SKP1: variants seen among roughly 807,000 people sequenced by gnomAD.
SKP1 encodes S-phase kinase associated protein 1, also known as S-phase kinase-associated protein 1.
Under a neutral mutation model 21.5 loss-of-function variants are expected in SKP1, and 1 was observed. The observed-to-expected ratio is 0.05, with a 90% CI of 0.02 to 0.22. The LOEUF (loss-of-function observed/expected upper bound fraction) is 0.22. Ranked by LOEUF, SKP1 falls within the 10% of genes least tolerant of loss-of-function variation. The pLI, the probability that SKP1 is intolerant of heterozygous loss-of-function variation, is 1.00. For synonymous variants in SKP1, 59 were observed against 59.3 expected, an observed-to-expected ratio of 0.99 and a Z score of 0.03; for missense variants, 70 against 192.0, an observed-to-expected ratio of 0.36 and a Z score of 3.76.
chr5:134,169,351 G>C (rs1294478193), intron 2 of SKP1, among the ~76,000 whole-genome samples: 3 of 152,202 alleles, frequency 2.0e-5, no homozygotes, highest in Non-Finnish European at 4.4e-5. Context: ...AGCTTAGAGT[G>C]AAACTGTAAA....
rs777325285 is a variant in SKP1, at chr5:134,151,621, T to G, written c.*6112A>C. The stretch of plus-strand genomic sequence containing the variant: ...AGGTTGAAAATTTGAAGTTAAGAGA[T>G]ATCAGAAGGTCTGAATATACTTAAA... On this transcript the variant is annotated 3_prime_UTR_variant, in exon 6 of 6. Transcript: ENST00000353411. 2 of 454,576 alleles carry G rather than the reference T, an allele frequency of 4.4e-6. No homozygotes were observed. Among genetic ancestry groups the G allele is most frequent in the South Asian group, 1.6e-5 (1 of 64,404 alleles). The allele number at this position is 454,576 out of a possible 1,614,324, so 28.2% of individuals were successfully genotyped here.
chr5:134,173,022 A>C (rs570212045), intron 2 of SKP1, among the ~76,000 whole-genome samples: 2 of 151,080 alleles, frequency 1.3e-5, no homozygotes, highest in African/African-American at 4.9e-5. Flanking sequence ...CAAAAAAAAA[A>C]AAAAAAAGAA....
At chr5:134,172,425 A>G (rs1270137064) in intron 2 of SKP1, among the ~76,000 whole-genome samples, 2 of 152,244 alleles carry the variant, frequency 1.3e-5, no homozygotes, top group Non-Finnish European at 2.9e-5. Context: ...ACTGATTTGT[A>G]TCACCCCACT....
chr5:134,167,751 C>T (rs535853647), intron 2 of SKP1, among the ~76,000 whole-genome samples: 1 of 152,312 alleles, frequency 6.6e-6, no homozygotes, highest in East Asian at 1.9e-4. Flanking sequence ...GTCTCGATCT[C>T]CTGACCTCGT....
Position 134,173,984 on chromosome 5 carries a change from T to A in SKP1, c.39A>T (p.Ile13=), listed in dbSNP as rs752719527. The change falls in exon 2 of 6, where the codon ATA becomes ATT. Residue 13 remains isoleucine, a synonymous_variant. Transcript: ENST00000353411. ...SIKLQSSDGE[I]FEVDVEIAKQ... The stretch of plus-strand genomic sequence containing the variant: ...TGGCAATTTCCACATCAACTTCAAA[T>A]ATCTCTCCATCAGAACTCTGCAACT... 1.2e-6 allele frequency: 2 copies of A among 1,610,460 alleles called. No homozygotes were observed. Among genetic ancestry groups the A allele is most frequent in the East Asian group, 4.5e-5 (2 of 44,804 alleles).
rs1761143162 is a variant in SKP1, at chr5:134,157,659, A to C, written c.*74T>G. On this transcript the variant is annotated 3_prime_UTR_variant, in exon 6 of 6. Coordinates refer to ENST00000353411, the MANE Select transcript of SKP1 (RefSeq NM_170679.3). ...ATTTGTCTACTGTTTGTCTAATATT[A>C]ACAATTATAAACAGAGCAGTGCAAC... The C allele has an allele frequency of 4.7e-5, 55 of 1,176,632 alleles. 1 individual carries two copies. The South Asian group carries it at 6.7e-4, about 14-fold the overall frequency. The allele number at this position is 1,176,632 out of a possible 1,614,324, so 72.9% of individuals were successfully genotyped here.
intron 3 of SKP1, among the ~76,000 whole-genome samples, chr5:134,165,878 C>A (rs542436671): frequency 9.5e-5 from 14 of 146,888 alleles, no homozygotes; most frequent in Non-Finnish European, 1.8e-4. Flanking sequence ...AGAGTGAGAT[C>A]AAAAAAACAA....
chr5:134,167,644 TC>T (rs575832423), intron 2 of SKP1, among the ~76,000 whole-genome samples: 1 of 151,542 alleles, frequency 6.6e-6, no homozygotes, highest in Non-Finnish European at 1.5e-5. Context: ...TGCCTCAGCC[TC>T]CCCGAGTAGC....
At chr5:134,158,217 C>T in intron 5 of SKP1, 1 of 1,421,960 alleles carries the variant, frequency 7.0e-7, no homozygotes, top group Non-Finnish European at 9.2e-7. Flanking sequence ...ACTGTTAATA[C>T]ATTAACAAGA....
rs1276047650 is a variant in SKP1 at position 134,173,973 on chromosome 5, T to A, written c.50A>T (p.Asp17Val). The change falls in exon 2 of 6, where the codon GAT (aspartate) becomes GTT (valine). Residue 17 changes from aspartate to valine, a missense_variant. Around this residue, in one of 4 missense-constraint regions of SKP1, gnomAD observed 21 missense variants for 23.4 expected, o/e 0.90. Transcript: ENST00000353411. ...CACAGATTGTTTGGCAATTTCCACA[T>A]CAACTTCAAATATCTCTCCATCAGA... ...QSSDGEIFEV[D>V]VEIAKQSVTI... 1 of 1,611,788 alleles carries A rather than the reference T, an allele frequency of 6.2e-7. No individual in the cohort carries two copies. The highest frequency in any genetic ancestry group is 2.2e-5 in the East Asian group (1 of 44,806).
At chr5:134,172,879 G>C (rs1761470083) in intron 2 of SKP1, among the ~76,000 whole-genome samples, 1 of 151,910 alleles carries the variant, frequency 6.6e-6, no homozygotes, top group South Asian at 2.1e-4. Flanking sequence ...AGGCATGGTG[G>C]CATGCACCTG....
intron 3 of SKP1, among the ~76,000 whole-genome samples, chr5:134,166,058 T>A (rs1020535364): frequency 6.7e-6 from 1 of 149,810 alleles, no homozygotes; most frequent in Admixed American, 6.6e-5. Context: ...GTGGTGGGCA[T>A]CTGTAATCCT....
chr5:134,158,474 G>C lies in SKP1; in HGVS notation c.437C>G (p.Thr146Ser). 1 of 1,614,000 alleles carries C rather than the reference G, an allele frequency of 6.2e-7. No individual in the cohort carries two copies. The highest frequency in any genetic ancestry group is 8.5e-7 in the Non-Finnish European group (1 of 1,179,962). The stretch of plus-strand genomic sequence containing the variant: ...ACCTACCTGGGCTTCCTCCTCTTCA[G>C]TAAAGTCATTTTTGATATTGAAGGT... ...RKTFNIKNDF[T>S]EEEEAQVRKE... Residue 146 changes from threonine to serine, a missense_variant, in exon 5 of 6, where the codon ACT becomes AGT. Transcript: ENST00000353411.
chr5:134,160,633 T>A (rs894413921), intron 4 of SKP1, among the ~76,000 whole-genome samples: 4 of 152,220 alleles, frequency 2.6e-5, no homozygotes, highest in Admixed American at 6.5e-5. Flanking sequence ...TTAACCCTGG[T>A]AATATTCTTT....
At chr5:134,166,717 A>C (rs1053116068) in intron 3 of SKP1, among the ~76,000 whole-genome samples, 2 of 152,236 alleles carry the variant, frequency 1.3e-5, no homozygotes, top group Non-Finnish European at 2.9e-5. Context: ...AAATGGGAAC[A>C]AAGTGTTACA....
rs980974917 is a variant in SKP1, at chr5:134,151,488, G to C, written c.*6245C>G. 31 of 325,778 alleles carry C rather than the reference G, an allele frequency of 9.5e-5. No homozygotes were observed. The highest frequency in any genetic ancestry group is 1.2e-4 in the Non-Finnish European group (19 of 161,356). 20.2% of individuals were successfully genotyped at this position (325,778 alleles called of 1,614,324 possible). ...GTTGTGAAATGGTACATTCAGGAAA[G>C]AAAGGACAAATAAGAATTTTCACCA... On this transcript the variant is annotated 3_prime_UTR_variant, in exon 6 of 6. Coordinates refer to ENST00000353411, the MANE Select transcript of SKP1 (RefSeq NM_170679.3).
At chr5:134,163,318 C>T (rs1424426357) in intron 3 of SKP1, among the ~76,000 whole-genome samples, 1 of 150,364 alleles carries the variant, frequency 6.7e-6, no homozygotes, top group Non-Finnish European at 1.5e-5. Flanking sequence ...AGGTTCACAA[C>T]GGGTGGTGCC....
rs367664255 is a variant in SKP1 at position 134,158,506 on chromosome 5, A to T, written c.405T>A (p.Ile135=). The change falls in exon 5 of 6, where the codon ATT becomes ATA. Residue 135 remains isoleucine, a synonymous_variant. Transcript: ENST00000353411. ...NMIKGKTPEE[I]RKTFNIKNDF... ...CATTTTTGATATTGAAGGTCTTGCG[A>T]ATCTCCTCAGGAGTTTTCCCCTTGA... 1.9e-5 allele frequency: 31 copies of T among 1,613,892 alleles called. No homozygotes were observed. The African/African-American group carries it at 2.7e-4, about 14-fold the overall frequency.
chr5:134,165,949 T>A (rs964038841), intron 3 of SKP1, among the ~76,000 whole-genome samples: 1 of 151,290 alleles, frequency 6.6e-6, no homozygotes, highest in Non-Finnish European at 1.5e-5. Context: ...TCCCAGCACT[T>A]TGGGAGGCCA....
Sources: gnomAD v4.1 joint callset for allele counts (sites outside exome capture counted in the v4.1 genomes callset) on GRCh38, gnomAD v4.1.1 for gene constraint, gnomAD v4.1.1 regional missense constraint, MANE v1.5 for transcripts, NCBI Gene and HGNC (gene_info 2026-07-23, HGNC 2026-07-21) for gene names.